The following PTH2R variants were observed in gnomAD, a reference collection of about 807,000 sequenced individuals.
PTH2R encodes the protein parathyroid hormone 2 receptor.
A neutral mutation model predicts 60.3 loss-of-function variants in PTH2R; 59 were observed. The observed-to-expected ratio is 0.98, with a 90% CI of 0.79 to 1.22. PTH2R has a LOEUF of 1.22. PTH2R is among the 50% of genes most tolerant of loss of function. The pLI, the probability that PTH2R is intolerant of heterozygous loss-of-function variation, is 0.00. For missense variants in PTH2R, 749 were observed against 682.6 expected (o/e 1.10, Z -1.08); for synonymous variants, 256 against 243.8 (o/e 1.05, Z -0.47).
chr2:208,424,056 TG>T (rs149039126), intron 1 of PTH2R, among the ~76,000 whole-genome samples: 122 of 152,286 alleles, frequency 8.0e-4, no homozygotes, highest in African/African-American at 2.9e-3. Flanking sequence ...GTCACCACAA[TG>T]GGAGTAGCCT....
Position 208,450,790 on chromosome 2 carries a change from G to T in PTH2R, c.895G>T (p.Ala299Ser), listed in dbSNP as rs1161023665. ...AFVAAWAVAR[A>S]TLADARCWEL... ...TGTTGCAGCATGGGCTGTGGCACGA[G>T]CAACTCTGGCTGATGCGAGGTGAGT... Residue 299 changes from alanine to serine, a missense_variant, in exon 8 of 13, where the codon GCA becomes TCA. Physicochemically the swap from Ala to Ser is moderately conservative, Grantham distance 99 (BLOSUM62 1). Coordinates refer to ENST00000272847, the MANE Select transcript of PTH2R (RefSeq NM_005048.4). 1 of 1,614,018 alleles carries T rather than the reference G, an allele frequency of 6.2e-7. No homozygotes were observed. Among genetic ancestry groups the T allele is most frequent in the Non-Finnish European group, 8.5e-7 (1 of 1,179,910 alleles).
At chr2:208,379,964 CCAAAT>C (rs1423772551) in intron 1 of PTH2R, among the ~76,000 whole-genome samples, 3 of 152,128 alleles carry the variant, frequency 2.0e-5, no homozygotes, top group African/African-American at 7.2e-5. Context: ...CAGAATCATC[CCAAAT>C]CAATTATCCA....
upstream of PTH2R, among the ~76,000 whole-genome samples, chr2:208,405,375 A>G (rs950720321): frequency 4.6e-5 from 7 of 152,238 alleles, no homozygotes; most frequent in Admixed American, 2.0e-4. Flanking sequence ...ATTTAGATAC[A>G]TAAATTTAAA....
At chr2:208,440,687 A>C (rs1333186675) in intron 4 of PTH2R, among the ~76,000 whole-genome samples, 1 of 152,212 alleles carries the variant, frequency 6.6e-6, no homozygotes, top group African/African-American at 2.4e-5. Context: ...AAGGGGACAA[A>C]GAGAAAAGAG....
intron 1 of PTH2R, among the ~76,000 whole-genome samples, chr2:208,396,698 G>C (rs1170567485): frequency 6.6e-6 from 1 of 152,168 alleles, no homozygotes; most frequent in Non-Finnish European, 1.5e-5. Context: ...ACGCTTTTAC[G>C]CTGTTGGTGG....
At chr2:208,407,602 G>C (rs916021203) in intron 1 of PTH2R, among the ~76,000 whole-genome samples, 1 of 152,222 alleles carries the variant, frequency 6.6e-6, no homozygotes, top group Non-Finnish European at 1.5e-5. Flanking sequence ...ATTCAAGTTA[G>C]GAGACAGAAT....
At chr2:208,415,196 CTG>C (rs1701615693) in intron 1 of PTH2R, among the ~76,000 whole-genome samples, 1 of 152,064 alleles carries the variant, frequency 6.6e-6, no homozygotes, top group South Asian at 2.1e-4. Flanking sequence ...TAAGGGGAAA[CTG>C]AGTGTTTATG....
intron 1 of PTH2R, among the ~76,000 whole-genome samples, chr2:208,384,700 A>T (rs551492739): frequency 6.6e-6 from 1 of 152,352 alleles, no homozygotes; most frequent in East Asian, 1.9e-4. Flanking sequence ...TTCGGGTGAT[A>T]ACTTCAAAAG....
chr2:208,483,279 T>C (rs1030015123), intron 10 of PTH2R, among the ~76,000 whole-genome samples: 1 of 152,198 alleles, frequency 6.6e-6, no homozygotes, highest in Non-Finnish European at 1.5e-5. Flanking sequence ...TATACTAATA[T>C]AGCTTGTCTC....
intron 1 of PTH2R, among the ~76,000 whole-genome samples, chr2:208,362,376 A>T (rs892808440): frequency 6.6e-6 from 1 of 152,220 alleles, no homozygotes; most frequent in Non-Finnish European, 1.5e-5. Context: ...TGATATCTAT[A>T]TATCAATCCC....
At chr2:208,456,509 T>C (rs1421489840) in intron 8 of PTH2R, among the ~76,000 whole-genome samples, 1 of 152,210 alleles carries the variant, frequency 6.6e-6, no homozygotes, top group African/African-American at 2.4e-5. Context: ...CAAGAAGCCA[T>C]CTGACATTTC....
chr2:208,365,873 C>T (rs1211797341), intron 1 of PTH2R, among the ~76,000 whole-genome samples: 12 of 122,832 alleles, frequency 9.8e-5, no homozygotes, highest in African/African-American at 3.7e-4. Context: ...GTAGCTGGGA[C>T]TATAAGCATG....
At chr2:208,453,408 T>G (rs1444989765) in intron 8 of PTH2R, among the ~76,000 whole-genome samples, 1 of 152,240 alleles carries the variant, frequency 6.6e-6, no homozygotes, top group Non-Finnish European at 1.5e-5. Flanking sequence ...TTCTACCATA[T>G]AAATCTTCCT....
At chr2:208,459,640 C>A (rs891375966) in intron 8 of PTH2R, among the ~76,000 whole-genome samples, 5 of 152,020 alleles carry the variant, frequency 3.3e-5, no homozygotes, top group African/African-American at 1.2e-4. Context: ...GGTTGACTCT[C>A]GTCACAATAA....
intron 2 of PTH2R, among the ~76,000 whole-genome samples, chr2:208,430,440 C>T (rs1701945372): frequency 6.6e-6 from 1 of 150,884 alleles, no homozygotes; most frequent in Non-Finnish European, 1.5e-5. Context: ...AAATTATTTA[C>T]TTCTATCACC....
intron 1 of PTH2R, among the ~76,000 whole-genome samples, chr2:208,389,227 TACAC>T (rs71041306): frequency 0.097 from 13,826 of 142,340 alleles, 654 homozygotes; most frequent in East Asian, 0.2. Flanking sequence ...AGGAAATGCA[TACAC>T]ACACACACAC....
At chr2:208,401,875 C>T (rs1455103732), upstream of PTH2R, among the ~76,000 whole-genome samples, 1 of 152,166 alleles carries the variant, frequency 6.6e-6, no homozygotes, top group Admixed American at 6.5e-5. Context: ...GAGACGCTAG[C>T]CACAGTGTGT....
intron 1 of PTH2R, among the ~76,000 whole-genome samples, chr2:208,409,007 C>T (rs1701485148): frequency 1.3e-5 from 2 of 151,928 alleles, no homozygotes; most frequent in South Asian, 4.2e-4. Context: ...TGCCAGTAGC[C>T]CCCCTCCCCC....
intron 1 of PTH2R, among the ~76,000 whole-genome samples, chr2:208,419,921 G>T (rs1469333690): frequency 6.6e-6 from 1 of 152,176 alleles, no homozygotes; most frequent in African/African-American, 2.4e-5. Context: ...TTAAGAAAAT[G>T]TGGCACATAT....
Sources: gnomAD v4.1 joint callset for allele counts (sites outside exome capture counted in the v4.1 genomes callset) on GRCh38, gnomAD v4.1.1 for gene constraint, MANE v1.5 for transcripts, NCBI Gene and HGNC (gene_info 2026-07-23, HGNC 2026-07-21) for gene names.